Variants in ABCD3 observed in about 807,000 individuals in gnomAD.
The protein encoded by ABCD3 is ATP binding cassette subfamily D member 3, also known as ATP-binding cassette sub-family D member 3.
A neutral mutation model predicts 105.5 loss-of-function variants in ABCD3; 41 were observed. The observed-to-expected ratio is 0.39, with a 90% CI of 0.30 to 0.50. The LOEUF (loss-of-function observed/expected upper bound fraction) is 0.50, where lower values mean the gene tolerates loss of function less well. Among genes scored for constraint, ABCD3 ranks in the 20% least tolerant of loss-of-function variants. The probability of loss-of-function intolerance (pLI) is 0.84; values close to 1 mark genes in which losing one functional copy is unlikely to be tolerated. For synonymous variants in ABCD3, 258 were observed against 269.0 expected (o/e 0.96, Z 0.40); for missense variants, 622 against 806.3 (o/e 0.77, Z 2.77).
chr1:94,440,561 T>A (rs1228025400), intron 1 of ABCD3, among the ~76,000 whole-genome samples: 2 of 152,204 alleles, frequency 1.3e-5, no homozygotes, highest in Admixed American at 1.3e-4. Flanking sequence ...CTGTGTGGAA[T>A]GCCTCCCAGT....
chr1:94,512,679 T>TA (rs1650740567), intron 21 of ABCD3, among the ~76,000 whole-genome samples: 1 of 152,096 alleles, frequency 6.6e-6, no homozygotes. Context: ...TTTTAGTAGC[T>TA]AAGTCTGAGG....
At chr1:94,434,346 CTTTT>C (rs888626523) in intron 1 of ABCD3, among the ~76,000 whole-genome samples, 2 of 151,312 alleles carry the variant, frequency 1.3e-5, no homozygotes, top group African/African-American at 4.9e-5. Flanking sequence ...TTATAGTTAA[CTTTT>C]TTTTTAAGTA....
chr1:94,466,717 C>A (rs1467475468), intron 3 of ABCD3, among the ~76,000 whole-genome samples: 1 of 152,194 alleles, frequency 6.6e-6, no homozygotes. Flanking sequence ...AAAATACAAG[C>A]TTCTCTGGAA....
At chr1:94,423,539 C>G (rs1659349787) in intron 1 of ABCD3, among the ~76,000 whole-genome samples, 1 of 152,192 alleles carries the variant, frequency 6.6e-6, no homozygotes. Context: ...TCTCTTGAGC[C>G]TGTCTCTTTG....
At position 94,508,666 on chromosome 1, in the gene ABCD3, C is replaced by A. The variant is rs1362783424; in HGVS notation, c.1845+2024C>A. Among the ~76,000 whole-genome samples the A allele has an allele frequency of 2.7e-5, 4 of 147,826 alleles. No individual in the cohort carries two copies. In the South Asian group the frequency reaches 6.5e-4, roughly 24 times the overall value. On this transcript the variant is annotated intron_variant, in intron 21 of 22. Transcript: ENST00000370214. ...ATTTGTTTGTATCCTCTTTTATTTC[C>A]TTGAGCAGTGGTTTGTAGTTCTCCT...
chr1:94,461,616 C>T (rs1386220462), intron 2 of ABCD3, among the ~76,000 whole-genome samples: 2 of 151,982 alleles, frequency 1.3e-5, no homozygotes, highest in Admixed American at 1.3e-4. Context: ...AAGCTGTAGA[C>T]CTGCTCTTTC....
chr1:94,416,453 A>G (rs1426720395), upstream of ABCD3, among the ~76,000 whole-genome samples: 2 of 152,208 alleles, frequency 1.3e-5, no homozygotes, highest in Non-Finnish European at 2.9e-5. Context: ...CCTCTGGAGA[A>G]TATGATCTCC....
chr1:94,424,598 G>A (rs1490699758), intron 1 of ABCD3, among the ~76,000 whole-genome samples: 2 of 151,814 alleles, frequency 1.3e-5, no homozygotes, highest in Non-Finnish European at 2.9e-5. Context: ...AATATTTTTT[G>A]TAGAGACAAG....
At chr1:94,410,791 T>C in the ABCD3 span, among the ~76,000 whole-genome samples, 1 of 152,178 alleles carries the variant, frequency 6.6e-6, no homozygotes, top group Non-Finnish European at 1.5e-5. Flanking sequence ...GCCCTAGAGA[T>C]GTATGAGACC....
At chr1:94,501,185 C>T (rs1437054248) in intron 20 of ABCD3, among the ~76,000 whole-genome samples, 1 of 149,014 alleles carries the variant, frequency 6.7e-6, no homozygotes, top group East Asian at 2.0e-4. Flanking sequence ...CACTTCAACC[C>T]GGGAGGCATA....
intron 7 of ABCD3, among the ~76,000 whole-genome samples, chr1:94,477,292 A>C (rs1414069929): frequency 6.6e-6 from 1 of 151,406 alleles, no homozygotes; most frequent in Non-Finnish European, 1.5e-5. Context: ...AAGCCAGTTA[A>C]CAAACCAAGC....
chr1:94,442,042 A>ATTT (rs1660151829), intron 1 of ABCD3, among the ~76,000 whole-genome samples: 1 of 152,186 alleles, frequency 6.6e-6, no homozygotes, highest in South Asian at 2.1e-4. Flanking sequence ...AAACACTGAA[A>ATTT]TATTTAGAAG....
intron 1 of ABCD3, among the ~76,000 whole-genome samples, chr1:94,451,365 A>C (rs1647246789): frequency 6.6e-6 from 1 of 152,198 alleles, no homozygotes; most frequent in Non-Finnish European, 1.5e-5. Context: ...TGTCAGAATA[A>C]TTTTGAGGCT....
the ABCD3 span, among the ~76,000 whole-genome samples, chr1:94,410,058 T>C: frequency 6.6e-6 from 1 of 152,212 alleles, no homozygotes; most frequent in Non-Finnish European, 1.5e-5. Flanking sequence ...AGGGCAAGAC[T>C]GTATAGTGGC....
At chr1:94,462,614 A>T (rs1432503430) in intron 2 of ABCD3, among the ~76,000 whole-genome samples, 1 of 152,224 alleles carries the variant, frequency 6.6e-6, no homozygotes, top group African/African-American at 2.4e-5. Context: ...ACAAGTTAGC[A>T]ACTAATATTT....
At chr1:94,483,320 TACACAC>T in intron 10 of ABCD3, 81 bp downstream of exon 10, 1 of 995,016 alleles carries the variant, frequency 1.0e-6, no homozygotes, top group Non-Finnish European at 1.6e-6. Context: ...CCGACACACA[TACACAC>T]ACACACAAAC....
At chr1:94,411,152 C>T in the ABCD3 span, among the ~76,000 whole-genome samples, 2 of 151,984 alleles carry the variant, frequency 1.3e-5, no homozygotes, top group African/African-American at 4.8e-5. Context: ...AAATGTAAAA[C>T]CTTTTTGTAT....
At chr1:94,469,162 A>G (rs931681874) in intron 4 of ABCD3, among the ~76,000 whole-genome samples, 21 of 151,864 alleles carry the variant, frequency 1.4e-4, no homozygotes, top group Non-Finnish European at 2.9e-5. Flanking sequence ...TATTCTTTTT[A>G]CTGCTTCATC....
At chr1:94,400,987 G>A in the ABCD3 span, among the ~76,000 whole-genome samples, 1 of 152,178 alleles carries the variant, frequency 6.6e-6, no homozygotes, top group African/African-American at 2.4e-5. Flanking sequence ...TGGCTAGCAC[G>A]TGAGTATGCT....
Sources: gnomAD v4.1 joint callset for allele counts (sites outside exome capture counted in the v4.1 genomes callset) on GRCh38, gnomAD v4.1.1 for gene constraint, MANE v1.5 for transcripts, NCBI Gene and HGNC (gene_info 2026-07-23, HGNC 2026-07-21) for gene names.